PSTK: variants seen among roughly 807,000 people sequenced by gnomAD.
PSTK encodes phosphoseryl-tRNA kinase.
PSTK carries 26 observed loss-of-function variants against 38.6 expected under a neutral mutation model. That is an observed-to-expected ratio of 0.67 (90% CI 0.49 to 0.94). PSTK has a LOEUF of 0.94. PSTK is among the 40% of genes least tolerant of loss of function. The probability of loss-of-function intolerance (pLI) is 0.00; values close to 1 mark genes in which losing one functional copy is unlikely to be tolerated. For missense variants in PSTK, 445 were observed against 436.3 expected, an observed-to-expected ratio of 1.02 and a Z score of -0.18; for synonymous variants, 181 against 161.7, an observed-to-expected ratio of 1.12 and a Z score of -0.91.
At chr10:122,987,260 T>G (rs1014639595) in intron 5 of PSTK, 1 of 1,519,534 alleles carries the variant, frequency 6.6e-7, no homozygotes, top group South Asian at 1.2e-5. Context: ...ATTACATGAG[T>G]ATATGCCCAT....
chr10:122,987,213 G>A, intron 5 of PSTK: 2 of 1,361,946 alleles, frequency 1.5e-6, no homozygotes, highest in Non-Finnish European at 1.0e-6. Flanking sequence ...AATCGGCAGG[G>A]AGCAGAACAT....
chr10:122,982,759 G>C lies in PSTK; in HGVS notation c.243G>C (p.Gln81His). Residue 81 changes from glutamine (Q) to histidine (H), a missense_variant, in exon 2 of 6, where the codon CAG becomes CAC. Transcript: ENST00000406217. Reference protein sequence around the residue: ...PAPSQWKLLRQELLKYLEYFL... With the variant: ...PAPSQWKLLRHELLKYLEYFL... ...CATCCCAATGGAAATTGCTTCGACA[G>C]GAACTGTTGAAGTACCTGGAATACT... 1.2e-6 allele frequency: 2 copies of C among 1,614,194 alleles called. No individual in the cohort carries two copies. The highest frequency in any genetic ancestry group is 1.7e-6 in the Non-Finnish European group (2 of 1,180,018).
chr10:122,980,893 G>A lies in PSTK; in HGVS notation c.216+198G>A, dbSNP rs894531615. ...GGTGAATGCGTTGGCTGTAGAAAGT[G>A]GTTACAAAGCCAACTGTTAGAACGA... On this transcript the variant is annotated intron_variant, in intron 1 of 5. Coordinates refer to ENST00000406217, the MANE Select transcript of PSTK (RefSeq NM_001363531.2). The surrounding 1 kb of genome is among the most constrained non-coding windows in gnomAD (Gnocchi z 4.3). The A allele has an allele frequency of 2.3e-6, 2 of 869,934 alleles. No individual in the cohort carries two copies. The highest frequency in any genetic ancestry group is 2.8e-6 in the Non-Finnish European group (2 of 724,580). 53.9% of individuals were successfully genotyped at this position (869,934 alleles called of 1,614,324 possible).
In PSTK at chr10:122,986,964, TATG is replaced by T. The variant is rs765972184; in HGVS notation, c.877+6_877+8del. On this transcript the variant is annotated splice_donor_5th_base_variant and intron_variant, in intron 5 of 5. Coordinates refer to ENST00000406217, the MANE Select transcript of PSTK (RefSeq NM_001363531.2). ...CTCAGACAATGAAGGAAGCAAAAGG[TATG>T]ATGTGTCAGTTATGTGTTGAGTTGG... The T allele has an allele frequency of 2.5e-6, 4 of 1,587,664 alleles. No homozygotes were observed. Among genetic ancestry groups the T allele is most frequent in the Non-Finnish European group, 3.5e-6 (4 of 1,156,116 alleles).
At chr10:122,987,057 T>C (rs1050185904) in intron 5 of PSTK, 95 bp downstream of exon 5, 43 of 953,582 alleles carry the variant, frequency 4.5e-5, no homozygotes, top group Non-Finnish European at 6.6e-5. Context: ...TTTTCAGTCA[T>C]AAAAGTTCAC....
Position 122,980,816 on chromosome 10 carries a change from G to A in PSTK, c.216+121G>A. 1.6e-6 allele frequency: 2 copies of A among 1,289,182 alleles called. No homozygotes were observed. Among genetic ancestry groups the A allele is most frequent in the Non-Finnish European group, 9.8e-7 (1 of 1,023,806 alleles). The allele number at this position is 1,289,182 out of a possible 1,614,324, so 79.9% of individuals were successfully genotyped here. A position where few individuals can be genotyped will look rare whatever the true frequency, so the allele number is the denominator to read the frequency against. ...GCCATGAGCGCCCATTGCTTGGTGT[G>A]GGAGGTGAAGTTCGAGAAAAGTGGA... On this transcript the variant is annotated intron_variant, in intron 1 of 5. Coordinates refer to ENST00000406217, the MANE Select transcript of PSTK (RefSeq NM_001363531.2). This position sits in a 1 kb window ranked among gnomAD's most constrained non-coding sequence, Gnocchi z 4.3.
intron 1 of PSTK, chr10:122,982,272 C>T (rs1410268481): frequency 6.5e-6 from 1 of 154,706 alleles, no homozygotes; most frequent in East Asian, 1.9e-4. Flanking sequence ...TTTGACTCCA[C>T]CTTTCTCTTG....
chr10:122,980,618 G>A lies in PSTK; in HGVS notation c.139G>A (p.Gly47Ser). The A allele has an allele frequency of 4.3e-6, 7 of 1,612,226 alleles. No homozygotes were observed. Among genetic ancestry groups the A allele is most frequent in the East Asian group, 2.2e-5 (1 of 44,834 alleles). Residue 47 changes from glycine to serine, a missense_variant, in exon 1 of 6, where the codon GGT becomes AGT. By Grantham distance (56) the Gly-to-Ser change is moderately conservative. Transcript: ENST00000406217. The surrounding 1 kb of genome is among the most constrained non-coding windows in gnomAD (Gnocchi z 4.3). ...ALAHRLQQEQ[G>S]WAIGVVAYDD... ...CGCCCACCGGCTGCAGCAGGAGCAG[G>A]GTTGGGCCATCGGTGTTGTCGCGTA...
intron 3 of PSTK, chr10:122,985,165 C>T (rs183638815): frequency 6.6e-6 from 1 of 152,476 alleles, no homozygotes; most frequent in Admixed American, 6.5e-5. Context: ...TTCTGCCACT[C>T]TCCTCCTGGC....
chr10:122,983,346 C>CA lies in PSTK; in HGVS notation c.584dup (p.Ala196GlyfsTer5), dbSNP rs1419664541. 8 of 1,614,052 alleles carry CA rather than the reference C, an allele frequency of 5.0e-6. No individual in the cohort carries two copies. Among genetic ancestry groups the CA allele is most frequent in the African/African-American group, 2.7e-5 (2 of 74,950 alleles). On this transcript the variant is annotated frameshift_variant, in exon 3 of 6. Transcript: ENST00000406217. LOFTEE classifies it high-confidence loss of function. ...TTTACAGAGGAATGGCCAGAGGCCA[C>CA]AGGCACTGCCTCCTGAGACCATCCA... is the stretch of plus-strand genomic sequence containing the variant.
In PSTK at chr10:122,980,692, G is replaced by T. The variant is rs1385351665; in HGVS notation, c.213G>T (p.Pro71=). The change falls in exon 1 of 6, where the codon CCG becomes CCT. Residue 71 remains proline (P), a synonymous_variant. Transcript: ENST00000406217. This position sits in a 1 kb window ranked among gnomAD's most constrained non-coding sequence, Gnocchi z 4.3. ...TTCTCGCCGGGGCAAGAGCGCGACC[G>T]GCGGTCAGCACGGAGGGGCGGGGCC... is the stretch of plus-strand genomic sequence containing the variant. ...DAFLAGARAR[P]APSQWKLLRQ... is the part of the protein sequence containing the mutation. 9.6e-6 allele frequency: 15 copies of T among 1,557,664 alleles called. No homozygotes were observed. Among genetic ancestry groups the T allele is most frequent in the Non-Finnish European group, 1.3e-5 (15 of 1,154,084 alleles).
chr10:122,983,516 T>C, intron 3 of PSTK, 46 bp downstream of exon 3: 1 of 1,545,330 alleles, frequency 6.5e-7, no homozygotes, highest in Non-Finnish European at 8.9e-7. Context: ...CTGTGCCAGG[T>C]ATCATGGTCA....
intron 5 of PSTK, among the ~76,000 whole-genome samples, chr10:122,989,505 G>A (rs1047723322): frequency 1.3e-5 from 2 of 152,180 alleles, no homozygotes; most frequent in Admixed American, 1.3e-4. Flanking sequence ...GCCCACCTCG[G>A]CCACCCACAG....
At chr10:122,983,556 C>A in intron 3 of PSTK, 86 bp downstream of exon 3, 1 of 1,135,642 alleles carries the variant, frequency 8.8e-7, no homozygotes. Flanking sequence ...TTAGTTAGTC[C>A]TCACACAGGC....
At chr10:122,984,422 C>T (rs1225314655) in intron 3 of PSTK, 2 of 152,204 alleles carry the variant, frequency 1.3e-5, no homozygotes, top group African/African-American at 2.4e-5. Flanking sequence ...TGAGCTATCA[C>T]CCCCGGCTAA....
At chr10:122,986,247 A>C in intron 3 of PSTK, 53 bp from the exon 4 acceptor site, 2 of 1,091,510 alleles carry the variant, frequency 1.8e-6, no homozygotes, top group Non-Finnish European at 2.6e-6. Flanking sequence ...AAAAAAAAAA[A>C]GTCAGATGTT....
rs747924079 is a variant in PSTK at position 122,986,891 on chromosome 10, CAACT to C, written c.810_813del (p.Asn271PhefsTer17). ...TAGGACACAGACAGAATTATTTGTT[CAACT>C]AACATTCTTCATAAAACTGATCAGA... On this transcript the variant is annotated frameshift_variant, in exon 5 of 6. Transcript: ENST00000406217. LOFTEE classifies it high-confidence loss of function. 5 of 1,608,404 alleles carry C rather than the reference CAACT, an allele frequency of 3.1e-6. No individual in the cohort carries two copies. The highest frequency in any genetic ancestry group is 2.2e-5 in the South Asian group (2 of 90,662).
At chr10:122,983,191 C>T in intron 2 of PSTK, 81 bp from the exon 3 acceptor site, 2 of 1,295,838 alleles carry the variant, frequency 1.5e-6, no homozygotes, top group Non-Finnish European at 2.1e-6. Context: ...CTATAATTGT[C>T]ATAATTTGTC....
intron 5 of PSTK, among the ~76,000 whole-genome samples, chr10:122,989,541 C>T (rs560825207): frequency 1.5e-4 from 23 of 152,084 alleles, no homozygotes; most frequent in Admixed American, 9.8e-4. Flanking sequence ...CTTGAGCCAC[C>T]AGGATATGGG....
Sources: allele counts gnomAD v4.1 joint callset (sites outside exome capture counted in the v4.1 genomes callset), GRCh38; gene constraint gnomAD v4.1.1; non-coding constraint Gnocchi (gnomAD v3.1); transcripts MANE v1.5; gene names NCBI Gene and HGNC (gene_info 2026-07-23, HGNC 2026-07-21).